RB1: variants seen among roughly 807,000 people sequenced by gnomAD.
The protein encoded by RB1 is retinoblastoma-associated protein.
Under a neutral mutation model 135.4 loss-of-function variants are expected in RB1, and 18 were observed. That is an observed-to-expected ratio of 0.13 (90% CI 0.09 to 0.20). The LOEUF (loss-of-function observed/expected upper bound fraction) is 0.20, where lower values mean the gene tolerates loss of function less well. Ranked by LOEUF, RB1 falls within the 10% of genes least tolerant of loss-of-function variation. The pLI is 1.00. For missense variants in RB1, 868 were observed against 1,110.0 expected (o/e 0.78, Z 3.10); for synonymous variants, 365 against 373.2 (o/e 0.98, Z 0.25).
chr13:48,344,401 G>A (rs1244106485), intron 3 of RB1, among the ~76,000 whole-genome samples: 1 of 152,146 alleles, frequency 6.6e-6, no homozygotes, highest in Non-Finnish European at 1.5e-5. Flanking sequence ...TTGTGTGGGG[G>A]CAACCTGATG....
chr13:48,438,884 A>G (rs942955455), intron 17 of RB1, among the ~76,000 whole-genome samples: 3 of 152,120 alleles, frequency 2.0e-5, no homozygotes, highest in African/African-American at 7.2e-5. Flanking sequence ...TATATAGGTT[A>G]TTTTATTTTC....
chr13:48,364,350 G>C (rs7997822), intron 8 of RB1, among the ~76,000 whole-genome samples: 29 of 152,224 alleles, frequency 1.9e-4, no homozygotes, highest in African/African-American at 7.0e-4. Flanking sequence ...CAAAACTGTA[G>C]CTGCAGATGC....
intron 13 of RB1, 141 bp from the exon 14 acceptor site, chr13:48,379,453 A>G: frequency 9.0e-7 from 1 of 1,115,170 alleles, no homozygotes; most frequent in Non-Finnish European, 1.3e-6. Context: ...GGGAGGCCAA[A>G]GCAGGAGGAT....
At chr13:48,402,686 T>C (rs1204457165) in intron 17 of RB1, among the ~76,000 whole-genome samples, 1 of 152,160 alleles carries the variant, frequency 6.6e-6, no homozygotes, top group African/African-American at 2.4e-5. Context: ...ACAGAAACTA[T>C]TTATATGTGT....
At chr13:48,359,901 A>G (rs1375995173) in intron 6 of RB1, 116 bp from the exon 7 acceptor site, 1 of 1,391,912 alleles carries the variant, frequency 7.2e-7, no homozygotes, top group African/African-American at 1.5e-5. Flanking sequence ...AATCTTTACC[A>G]TGCTGATAGT....
At chr13:48,387,742 T>G (rs1157097778) in intron 17 of RB1, among the ~76,000 whole-genome samples, 5 of 152,164 alleles carry the variant, frequency 3.3e-5, no homozygotes, top group Admixed American at 3.3e-4. Flanking sequence ...TCTGTTTTAA[T>G]TAAATTTTAA....
chr13:48,427,059 T>G (rs1003906045), intron 17 of RB1, among the ~76,000 whole-genome samples: 52 of 152,218 alleles, frequency 3.4e-4, no homozygotes, highest in African/African-American at 1.2e-3. Flanking sequence ...GAGAGCTCGG[T>G]TATCACCAAG....
intron 17 of RB1, among the ~76,000 whole-genome samples, chr13:48,425,197 C>G (rs537737099): frequency 6.6e-6 from 1 of 152,188 alleles, no homozygotes; most frequent in African/African-American, 2.4e-5. Context: ...TGAAGGCTAG[C>G]CTTTACAGTT....
At chr13:48,456,998 A>G (rs1339534766) in intron 19 of RB1, among the ~76,000 whole-genome samples, 6 of 152,028 alleles carry the variant, frequency 3.9e-5, no homozygotes, top group Admixed American at 2.0e-4. Context: ...TACCCACAAC[A>G]TGGCGAGCAA....
chr13:48,328,275 T>C, intron 2 of RB1: 2 of 1,582,252 alleles, frequency 1.3e-6, no homozygotes, highest in Non-Finnish European at 1.7e-6. Flanking sequence ...TTCATCTTCA[T>C]TAAAAGCTGC....
Position 48,345,076 on chromosome 13 carries a change from G to A in RB1, c.381-4G>A. The A allele has an allele frequency of 6.2e-7, 1 of 1,609,882 alleles. No homozygotes were observed. Among genetic ancestry groups the A allele is most frequent in the Non-Finnish European group, 8.5e-7 (1 of 1,177,804 alleles). ...TTTACTTTTTTCTATTCTTTCCTTT[G>A]TAGTGTCCATAAATTCTTTAACTTA... On this transcript the variant is annotated splice_region_variant and splice_polypyrimidine_tract_variant and intron_variant, in intron 3 of 26. Coordinates refer to ENST00000267163, the MANE Select transcript of RB1 (RefSeq NM_000321.3).
intron 17 of RB1, 71 bp downstream of exon 17, chr13:48,381,514 G>A: frequency 1.4e-6 from 2 of 1,390,406 alleles, no homozygotes; most frequent in Non-Finnish European, 2.0e-6. Flanking sequence ...AGTGAGAGGT[G>A]TTTCTTAACA....
At chr13:48,370,214 A>G (rs780949917) in intron 11 of RB1, among the ~76,000 whole-genome samples, 6 of 152,176 alleles carry the variant, frequency 3.9e-5, no homozygotes, top group Non-Finnish European at 8.8e-5. Context: ...GAAACATGTA[A>G]GTGGAGAAAA....
chr13:48,458,028 G>A (rs1432190573), intron 19 of RB1, among the ~76,000 whole-genome samples: 7 of 152,188 alleles, frequency 4.6e-5, no homozygotes. Flanking sequence ...AGAGCACAGG[G>A]ATGCCTGGGT....
chr13:48,323,467 T>C (rs1002679667), intron 2 of RB1, among the ~76,000 whole-genome samples: 1 of 151,996 alleles, frequency 6.6e-6, no homozygotes, highest in East Asian at 1.9e-4. Context: ...TTAAAGTTTT[T>C]TTTTCTGGTT....
chr13:48,317,513 C>T (rs1460713281), intron 2 of RB1: 2 of 448,010 alleles, frequency 4.5e-6, no homozygotes, highest in African/African-American at 2.1e-5. Flanking sequence ...AAGCTCCCCC[C>T]AGCACCTCCG....
intron 17 of RB1, among the ~76,000 whole-genome samples, chr13:48,436,361 G>A (rs1227958682): frequency 6.6e-6 from 1 of 152,132 alleles, no homozygotes; most frequent in Non-Finnish European, 1.5e-5. Flanking sequence ...AAAATCATGA[G>A]GCCAATTGCT....
intron 12 of RB1, among the ~76,000 whole-genome samples, chr13:48,375,176 A>C (rs894670194): frequency 6.6e-6 from 1 of 152,158 alleles, no homozygotes; most frequent in Admixed American, 6.5e-5. Flanking sequence ...CAGTGAACAT[A>C]TGAGTGCATG....
intron 17 of RB1, among the ~76,000 whole-genome samples, chr13:48,446,277 C>T (rs1032407576): frequency 2.0e-5 from 3 of 152,002 alleles, no homozygotes; most frequent in Non-Finnish European, 4.4e-5. Context: ...ATCTTATTCT[C>T]ACTTTGAGGT....
Sources: allele counts gnomAD v4.1 joint callset (sites outside exome capture counted in the v4.1 genomes callset), GRCh38; gene constraint gnomAD v4.1.1; transcripts MANE v1.5; gene names NCBI Gene and HGNC (gene_info 2026-07-23, HGNC 2026-07-21).